Variants in SMOC2 observed in about 807,000 individuals in gnomAD.
The protein encoded by SMOC2 is SPARC related modular calcium binding 2, also known as SPARC-related modular calcium-binding protein 2.
In SMOC2, 39 loss-of-function variants were observed where a neutral mutation model predicts 61.4. That is an observed-to-expected ratio of 0.64 (90% CI 0.49 to 0.83). The LOEUF is 0.83. Ranked by LOEUF, SMOC2 falls within the 40% of genes least tolerant of loss-of-function variation. The pLI, the probability that SMOC2 is intolerant of heterozygous loss-of-function variation, is 0.00. For missense variants in SMOC2, 556 were observed against 592.9 expected (o/e 0.94, Z 0.65); for synonymous variants, 247 against 239.9 (o/e 1.03, Z -0.27).
intron 1 of SMOC2, among the ~76,000 whole-genome samples, chr6:168,454,967 G>A (rs1402665441): frequency 1.3e-5 from 2 of 152,082 alleles, no homozygotes; most frequent in Non-Finnish European, 2.9e-5. Flanking sequence ...GCCCAAAGGT[G>A]GCTCTCAAGA....
intron 1 of SMOC2, among the ~76,000 whole-genome samples, chr6:168,472,144 C>T (rs1248480158): frequency 1.3e-5 from 2 of 152,138 alleles, no homozygotes; most frequent in Non-Finnish European, 2.9e-5. Flanking sequence ...AAGATATTTT[C>T]CTCCATGTTT....
chr6:168,514,845 G>T (rs923327674), intron 2 of SMOC2, among the ~76,000 whole-genome samples: 1 of 152,164 alleles, frequency 6.6e-6, no homozygotes, highest in Non-Finnish European at 1.5e-5. Flanking sequence ...TTGAGGATGA[G>T]CATGTGAGGG....
At chr6:168,472,884 C>T (rs764107264) in intron 1 of SMOC2, among the ~76,000 whole-genome samples, 2 of 152,128 alleles carry the variant, frequency 1.3e-5, no homozygotes, top group Non-Finnish European at 2.9e-5. Context: ...TTGAAGCTCT[C>T]TCCTCACCTC....
At chr6:168,583,624 G>A (rs1784974273) in intron 7 of SMOC2, among the ~76,000 whole-genome samples, 1 of 152,144 alleles carries the variant, frequency 6.6e-6, no homozygotes, top group Admixed American at 6.5e-5. Context: ...AGCAGCAGAG[G>A]CACACGAAAG....
chr6:168,523,395 C>CTT (rs200642543), intron 2 of SMOC2, among the ~76,000 whole-genome samples: 6 of 140,574 alleles, frequency 4.3e-5, no homozygotes, highest in South Asian at 2.3e-4. Context: ...GCCAGTAATT[C>CTT]TTTTTTTTTT....
At chr6:168,538,823 G>T (rs1237718647) in intron 4 of SMOC2, among the ~76,000 whole-genome samples, 2 of 151,718 alleles carry the variant, frequency 1.3e-5, no homozygotes, top group South Asian at 2.1e-4. Context: ...ACCCCTGCTG[G>T]AATCTGGGGG....
chr6:168,441,326 G>T lies in SMOC2; in HGVS notation c.-45G>T. On this transcript the variant is annotated 5_prime_UTR_variant, in exon 1 of 13. Transcript: ENST00000356284. Reference sequence around the variant, plus strand: ...TGGGCTCTCCCGGCTGCAGTGCCAGGGCGCAGGACGCGGCCGATCTCCCGC... The same window carrying T: ...TGGGCTCTCCCGGCTGCAGTGCCAGTGCGCAGGACGCGGCCGATCTCCCGC... 6.7e-7 allele frequency: 1 copy of T among 1,489,260 alleles called. No homozygotes were observed. Among genetic ancestry groups the T allele is most frequent in the South Asian group, 1.3e-5 (1 of 79,448 alleles). 92.3% of individuals were successfully genotyped at this position (1,489,260 alleles called of 1,614,324 possible).
chr6:168,637,796 T>C (rs943754130), intron 9 of SMOC2, among the ~76,000 whole-genome samples: 2 of 152,152 alleles, frequency 1.3e-5, no homozygotes, highest in African/African-American at 4.8e-5. Flanking sequence ...GATTCCTGTC[T>C]GTTTGTGCTG....
intron 7 of SMOC2, among the ~76,000 whole-genome samples, chr6:168,596,739 A>G (rs1235228989): frequency 6.6e-6 from 1 of 152,266 alleles, no homozygotes; most frequent in Non-Finnish European, 1.5e-5. Flanking sequence ...AAAGAAATGC[A>G]AATCATCGTC....
At chr6:168,641,014 T>C (rs946801391) in intron 9 of SMOC2, among the ~76,000 whole-genome samples, 2 of 152,054 alleles carry the variant, frequency 1.3e-5, no homozygotes, top group Admixed American at 1.3e-4. Flanking sequence ...GACTTAGTTC[T>C]CCTTAAGAAT....
chr6:168,456,994 A>G (rs1339614868), intron 1 of SMOC2, among the ~76,000 whole-genome samples: 1 of 152,164 alleles, frequency 6.6e-6, no homozygotes, highest in African/African-American at 2.4e-5. Flanking sequence ...CGGGACAAGC[A>G]TGCACACGCT....
At position 168,580,606 on chromosome 6, in the gene SMOC2, A is replaced by G. The variant is rs557320873; in HGVS notation, c.638-18212A>G. Among the ~76,000 whole-genome samples the G allele has an allele frequency of 6.6e-5, 10 of 152,336 alleles. No homozygotes were observed. In the East Asian group the frequency reaches 1.5e-3, roughly 23 times the overall value. On this transcript the variant is annotated intron_variant, in intron 7 of 12. Transcript: ENST00000356284. Reference sequence around the variant, plus strand: ...ATCCAGGCTGGAGGGCAGTGGCACAATCACGACTCACTGCAGCCTCGACCT... The same window carrying G: ...ATCCAGGCTGGAGGGCAGTGGCACAGTCACGACTCACTGCAGCCTCGACCT...
intron 7 of SMOC2, among the ~76,000 whole-genome samples, chr6:168,590,669 T>A (rs953110867): frequency 1.3e-5 from 2 of 152,250 alleles, no homozygotes; most frequent in African/African-American, 4.8e-5. Flanking sequence ...TTAGAATGCA[T>A]GTGATTCGTT....
chr6:168,526,808 T>C (rs1446287578), intron 3 of SMOC2, among the ~76,000 whole-genome samples: 1 of 152,102 alleles, frequency 6.6e-6, no homozygotes, highest in Non-Finnish European at 1.5e-5. Flanking sequence ...TTGATTTTAA[T>C]TATGGGGAGC....
At chr6:168,448,850 C>T (rs369508135) in intron 1 of SMOC2, among the ~76,000 whole-genome samples, 12 of 152,224 alleles carry the variant, frequency 7.9e-5, no homozygotes, top group Non-Finnish European at 1.2e-4. Context: ...TCTTTGGGCA[C>T]GTTTTCAGTT....
intron 8 of SMOC2, among the ~76,000 whole-genome samples, chr6:168,604,577 A>G (rs990113848): frequency 6.6e-6 from 1 of 152,148 alleles, no homozygotes; most frequent in East Asian, 1.9e-4. Context: ...CCAGGGAGAT[A>G]CTTCATAGTT....
intron 1 of SMOC2, among the ~76,000 whole-genome samples, chr6:168,482,051 G>A (rs58412287): frequency 0.065 from 9,823 of 151,236 alleles, 384 homozygotes; most frequent in Non-Finnish European, 0.093. Context: ...AGACAGAGAT[G>A]AATGAAATAG....
intron 9 of SMOC2, among the ~76,000 whole-genome samples, chr6:168,638,850 A>T (rs1479318105): frequency 6.6e-6 from 1 of 152,184 alleles, no homozygotes; most frequent in Admixed American, 6.5e-5. Context: ...ATTCATAGTT[A>T]GACAGAGGGC....
rs538141686 is a variant in SMOC2 at position 168,644,393 on chromosome 6, GAA to G, written c.908-6285_908-6284del. Among the ~76,000 whole-genome samples the G allele has an allele frequency of 3.2e-4, 48 of 152,292 alleles. 1 individual carries two copies. Among genetic ancestry groups the G allele is most frequent in the African/African-American group, 1.1e-3 (46 of 41,562 alleles). On this transcript the variant is annotated intron_variant, in intron 9 of 12. Coordinates refer to ENST00000356284, the MANE Select transcript of SMOC2 (RefSeq NM_001166412.2). ...TGACATTTTATTTCTAGCTGTTTGT[GAA>G]AAGACCCAGCCAAATGCAGGTGCTG...
Sources: allele counts gnomAD v4.1 joint callset (sites outside exome capture counted in the v4.1 genomes callset), GRCh38; gene constraint gnomAD v4.1.1; transcripts MANE v1.5; gene names NCBI Gene and HGNC (gene_info 2026-07-23, HGNC 2026-07-21).